The following DHRS2 variants were observed in gnomAD, a reference collection of about 807,000 sequenced individuals.
DHRS2 encodes the protein dehydrogenase/reductase SDR family member 2, mitochondrial.
DHRS2 carries 29 observed loss-of-function variants against 26.3 expected under a neutral mutation model. The observed-to-expected ratio is 1.10, with a 90% CI of 0.82 to 1.50. The LOEUF (loss-of-function observed/expected upper bound fraction) is 1.50. Ranked by LOEUF, DHRS2 falls within the 40% of genes most tolerant of loss-of-function variation. DHRS2 has a pLI of 0.00. For synonymous variants in DHRS2, 164 were observed against 151.3 expected (o/e 1.08, Z -0.62); for missense variants, 439 against 367.1 (o/e 1.20, Z -1.60).
At chr14:23,634,477 C>T (rs1890211736), upstream of DHRS2, among the ~76,000 whole-genome samples, 1 of 152,044 alleles carries the variant, frequency 6.6e-6, no homozygotes, top group Non-Finnish European at 1.5e-5. Flanking sequence ...ATTTTTGTCA[C>T]CTGTTTGCCT....
Position 23,645,564 on chromosome 14 carries a change from G to T in DHRS2, c.*311G>T. ...AGGAGTAGAAGCTCAGGCCTTTGAA[G>T]GATTTCAGCTCCTCCTCTCTGTAAT... On this transcript the variant is annotated 3_prime_UTR_variant, in exon 9 of 9. Coordinates refer to ENST00000250383, the MANE Select transcript of DHRS2 (RefSeq NM_005794.4). 2.3e-6 allele frequency: 1 copy of T among 433,822 alleles called. No homozygotes were observed. Among genetic ancestry groups the T allele is most frequent in the Non-Finnish European group, 4.1e-6 (1 of 244,506 alleles). 26.9% of individuals were successfully genotyped at this position (433,822 alleles called of 1,614,324 possible). A position where few individuals can be genotyped will look rare whatever the true frequency, so the allele number is the denominator to read the frequency against.
chr14:23,631,594 A>G (rs1890120764), upstream of DHRS2, among the ~76,000 whole-genome samples: 1 of 148,216 alleles, frequency 6.7e-6, no homozygotes, highest in Non-Finnish European at 1.5e-5. Context: ...TCTTTGGACC[A>G]GTGCTGAAGG....
chr14:23,638,508 C>G (rs1250254980), intron 1 of DHRS2: 2 of 198,882 alleles, frequency 1.0e-5, no homozygotes, highest in Non-Finnish European at 2.1e-5. Flanking sequence ...ACTAAGGTGT[C>G]CCCGCCTCTA....
chr14:23,645,375 T>C lies in DHRS2; in HGVS notation c.*122T>C. 1 of 1,582,694 alleles carries C rather than the reference T, an allele frequency of 6.3e-7. No homozygotes were observed. The highest frequency in any genetic ancestry group is 1.3e-5 in the African/African-American group (1 of 74,474). On this transcript the variant is annotated 3_prime_UTR_variant, in exon 9 of 9. Transcript: ENST00000250383. ...CTGCCAGACTAGCAATTTGGGGGCT[T>C]ACTCATGCTAGGCTTGAGGAAGAAG...
chr14:23,639,207 G>T lies in DHRS2; in HGVS notation c.169G>T (p.Ala57Ser). The T allele has an allele frequency of 6.2e-7, 1 of 1,613,876 alleles. No individual in the cohort carries two copies. The highest frequency in any genetic ancestry group is 8.5e-7 in the Non-Finnish European group (1 of 1,179,936). Reference protein sequence around the residue: ...GIGFAIARRLARDGAHVVISS... With the variant: ...GIGFAIARRLSRDGAHVVISS... The stretch of plus-strand genomic sequence containing the variant: ...CGGCTTTGCCATCGCCCGACGTCTG[G>T]CCCGGGACGGGGCCCACGTGGTCAT... Residue 57 changes from alanine (A) to serine (S), a missense_variant, in exon 3 of 9, where the codon GCC becomes TCC. Physicochemically the swap from Ala to Ser is moderately conservative, Grantham distance 99 (BLOSUM62 1). Coordinates refer to ENST00000250383, the MANE Select transcript of DHRS2 (RefSeq NM_005794.4).
Position 23,644,367 on chromosome 14 carries a change from C to A in DHRS2, c.541-42C>A, listed in dbSNP as rs372714372. On this transcript the variant is annotated intron_variant, in intron 6 of 8. Coordinates refer to ENST00000250383, the MANE Select transcript of DHRS2 (RefSeq NM_005794.4). ...GAGAAATCCAACTGATGCTTTCCCC[C>A]ACTCTCCCATATCCTAATCACTCTG... 1.6e-5 allele frequency: 25 copies of A among 1,610,670 alleles called. No homozygotes were observed. The African/African-American group carries it at 3.1e-4, about 20-fold the overall frequency.
At chr14:23,641,969 C>T in intron 4 of DHRS2, 3 of 1,139,480 alleles carry the variant, frequency 2.6e-6, no homozygotes, top group Non-Finnish European at 3.3e-6. Flanking sequence ...CTGGCACTGC[C>T]CTAGCTCCCA....
At position 23,638,821 on chromosome 14, in the gene DHRS2, C is replaced by G. The variant is rs756491932; in HGVS notation, c.-38-6C>G. On this transcript the variant is annotated splice_region_variant and splice_polypyrimidine_tract_variant and intron_variant, in intron 1 of 8. Coordinates refer to ENST00000250383, the MANE Select transcript of DHRS2 (RefSeq NM_005794.4). ...AGTGATAAGTGAAATTGATTCTTTC[C>G]CCCAGGCCTGATTCAGCAGGAAGCA... 4 of 1,599,798 alleles carry G rather than the reference C, an allele frequency of 2.5e-6. No homozygotes were observed. The highest frequency in any genetic ancestry group is 3.4e-6 in the Non-Finnish European group (4 of 1,171,332).
chr14:23,639,893 A>C lies in DHRS2; in HGVS notation c.418A>C (p.Lys140Gln), dbSNP rs745365642. 1.9e-6 allele frequency: 3 copies of C among 1,598,298 alleles called. 1 individual carries two copies. The highest frequency in any genetic ancestry group is 2.3e-5 in the South Asian group (2 of 88,866). Residue 140 changes from lysine (K) to glutamine (Q), a missense_variant and splice_region_variant, in exon 4 of 9, where the codon AAG becomes CAG. Coordinates refer to ENST00000250383, the MANE Select transcript of DHRS2 (RefSeq NM_005794.4). ...GGGGACCAGTGAGCAGATCTGGGAC[A>C]AGGTGAGAGGCCTCCCCTGGGGAGG... The part of the protein sequence containing the change: ...TLGTSEQIWD[K>Q]ILSVNVKSPA...
intron 1 of DHRS2, among the ~76,000 whole-genome samples, chr14:23,637,721 A>G (rs1890395398): frequency 6.6e-6 from 1 of 152,178 alleles, no homozygotes; most frequent in African/African-American, 2.4e-5. Context: ...CTCTATGTCT[A>G]GCTAATCAGG....
chr14:23,645,261 G>A lies in DHRS2; in HGVS notation c.*8G>A, dbSNP rs764951686. ...TACTCCACTCGGCTCTGAGAGGAGT[G>A]GGGGCGGCTGCGTAGCTGTGGTCCC... On this transcript the variant is annotated 3_prime_UTR_variant, in exon 9 of 9. Transcript: ENST00000250383. 1.9e-6 allele frequency: 3 copies of A among 1,614,038 alleles called. No homozygotes were observed. Among genetic ancestry groups the A allele is most frequent in the Admixed American group, 3.3e-5 (2 of 60,028 alleles).
intron 4 of DHRS2, chr14:23,641,830 G>T: frequency 7.9e-7 from 1 of 1,258,022 alleles, no homozygotes; most frequent in South Asian, 1.3e-5. Context: ...AGATTGGGGG[G>T]TGGAAAAAAC....
Position 23,638,856 on chromosome 14 carries a change from C to T in DHRS2, c.-9C>T. 2 of 1,612,264 alleles carry T rather than the reference C, an allele frequency of 1.2e-6. No individual in the cohort carries two copies. Among genetic ancestry groups the T allele is most frequent in the South Asian group, 1.1e-5 (1 of 90,816 alleles). On this transcript the variant is annotated 5_prime_UTR_variant, in exon 2 of 9. Coordinates refer to ENST00000250383, the MANE Select transcript of DHRS2 (RefSeq NM_005794.4). ...GATTCAGCAGGAAGCATCTCAGACA[C>T]CAACCACTATGCTGTCAGCAGTTGC...
intron 7 of DHRS2, 115 bp from the exon 8 acceptor site, chr14:23,644,712 C>T: frequency 1.3e-6 from 2 of 1,481,796 alleles, no homozygotes; most frequent in South Asian, 2.4e-5. Context: ...TGAAAAGATG[C>T]TCCTTCTTTT....
At position 23,644,509 on chromosome 14, in the gene DHRS2, T is replaced by C; in HGVS notation, c.641T>C (p.Val214Ala). The change falls in exon 7 of 9, where the codon GTT (valine) becomes GCT (alanine). Residue 214 changes from valine to alanine, a missense_variant. By Grantham distance (64) the Val-to-Ala change is moderately conservative. Coordinates refer to ENST00000250383, the MANE Select transcript of DHRS2 (RefSeq NM_005794.4). Reference protein sequence around the residue: ...APKDIRVNCVVPGIIKTDFSK... With the variant: ...APKDIRVNCVAPGIIKTDFSK... ...AAGGACATCCGGGTAAACTGCGTGG[T>C]TCCAGGAATTATCAAAACTGACTTC... 1 of 1,614,150 alleles carries C rather than the reference T, an allele frequency of 6.2e-7. No homozygotes were observed. Among genetic ancestry groups the C allele is most frequent in the Non-Finnish European group, 8.5e-7 (1 of 1,180,020 alleles).
Position 23,644,405 on chromosome 14 carries a change from C to G in DHRS2, c.541-4C>G, listed in dbSNP as rs748306950. ...CCTAATCACTCTGTCAATTCCCTTC[C>G]CAGGCGCTGGGTGTCTACAATGTCA... On this transcript the variant is annotated splice_region_variant and splice_polypyrimidine_tract_variant and intron_variant, in intron 6 of 8. Transcript: ENST00000250383. 13 of 1,614,088 alleles carry G rather than the reference C, an allele frequency of 8.1e-6. No homozygotes were observed. In the South Asian group the frequency reaches 1.2e-4, roughly 15 times the overall value.
chr14:23,634,274 G>A (rs911827063), upstream of DHRS2, among the ~76,000 whole-genome samples: 3 of 151,858 alleles, frequency 2.0e-5, no homozygotes, highest in Non-Finnish European at 4.4e-5. Context: ...CACCATGTTG[G>A]CTAGGCTGGT....
chr14:23,639,834 G>A lies in DHRS2; in HGVS notation c.359G>A (p.Ser120Asn), dbSNP rs371388550. Residue 120 changes from serine to asparagine, a missense_variant, in exon 4 of 9, where the codon AGC becomes AAC. Transcript: ENST00000250383. ...HCGGVDFLVC[S>N]AGVNPLVGST... ...GGGGGCGTCGACTTCCTGGTGTGCAGCGCAGGGGTCAACCCTCTGGTAGGG... is the reference window on the plus strand; with the variant it reads ...GGGGGCGTCGACTTCCTGGTGTGCAACGCAGGGGTCAACCCTCTGGTAGGG... The A allele has an allele frequency of 1.2e-6, 2 of 1,610,716 alleles. No homozygotes were observed. Among genetic ancestry groups the A allele is most frequent in the Non-Finnish European group, 1.7e-6 (2 of 1,178,226 alleles).
chr14:23,638,495 T>C, intron 1 of DHRS2: 1 of 183,192 alleles, frequency 5.5e-6, no homozygotes, highest in South Asian at 1.2e-4. Flanking sequence ...GAGTCTGTCG[T>C]TTACTAAGGT....
Sources: gnomAD v4.1 joint callset for allele counts (sites outside exome capture counted in the v4.1 genomes callset) on GRCh38, gnomAD v4.1.1 for gene constraint, MANE v1.5 for transcripts, NCBI Gene and HGNC (gene_info 2026-07-23, HGNC 2026-07-21) for gene names.